The following ZIC5 variants were observed in gnomAD, a reference collection of about 807,000 sequenced individuals.
ZIC5 encodes zinc finger protein ZIC 5.
A neutral mutation model predicts 28.5 loss-of-function variants in ZIC5; 20 were observed. The ratio of observed to expected loss-of-function variants is 0.70; its 90% CI spans 0.49 to 1.02. The LOEUF (loss-of-function observed/expected upper bound fraction) is 1.02. ZIC5 is among the 50% of genes least tolerant of loss of function. ZIC5 has a pLI of 0.00. For missense variants in ZIC5, 951 were observed against 899.7 expected (o/e 1.06, Z -0.73); for synonymous variants, 488 against 410.4 (o/e 1.19, Z -2.29).
In ZIC5 at chr13:99,963,967, GACT is replaced by G. The variant is rs1389285139; in HGVS notation, c.*1407_*1409del. On this transcript the variant is annotated 3_prime_UTR_variant, in exon 2 of 2. Transcript: ENST00000267294. ...GTGTATCTGTAGGATGTTTCTGATG[GACT>G]ACATTTTGCACAGGAGATGTGTTGT... 3.3e-5 allele frequency: 5 copies of G among 152,618 alleles called. No individual in the cohort carries two copies. The highest frequency in any genetic ancestry group is 4.2e-4 in the South Asian group (2 of 4,816). 9.5% of individuals were successfully genotyped at this position (152,618 alleles called of 1,614,324 possible). A position where few individuals can be genotyped will look rare whatever the true frequency, so the allele number is the denominator to read the frequency against.
chr13:99,970,275 G>C lies in ZIC5; in HGVS notation c.1329C>G (p.Arg443=). The change falls in exon 1 of 2, where the codon CGC becomes CGG. Residue 443 remains arginine, a synonymous_variant. Coordinates refer to ENST00000267294, the MANE Select transcript of ZIC5 (RefSeq NM_033132.5). ...ATTTGGCCTTGAAGGGCTTGCCCTCGCGCGGACAGTCCTCCCAGAAGCAGA... is the reference window on the plus strand; with the variant it reads ...ATTTGGCCTTGAAGGGCTTGCCCTCCCGCGGACAGTCCTCCCAGAAGCAGA... ...SHVCFWEDCP[R]EGKPFKAKYK... 6.2e-7 allele frequency: 1 copy of C among 1,613,896 alleles called. No individual in the cohort carries two copies. Among genetic ancestry groups the C allele is most frequent in the Non-Finnish European group, 8.5e-7 (1 of 1,179,902 alleles).
At chr13:99,965,892 A>ACC in intron 1 of ZIC5, 73 bp from the exon 2 acceptor site, 1 of 1,482,974 alleles carries the variant, frequency 6.7e-7, no homozygotes, top group Non-Finnish European at 9.1e-7. Flanking sequence ...TTGAAGCAGA[A>ACC]CCAAGGTTGT....
At position 99,971,325 on chromosome 13, in the gene ZIC5, AGCCTCCGGGTGTGCCGGG is replaced by A. The variant is rs993089059; in HGVS notation, c.261_278del (p.His90_Ala95del). 6 of 1,375,776 alleles carry A rather than the reference AGCCTCCGGGTGTGCCGGG, an allele frequency of 4.4e-6. No individual in the cohort carries two copies. The highest frequency in any genetic ancestry group is 5.6e-6 in the Non-Finnish European group (6 of 1,075,590). 85.2% of individuals were successfully genotyped at this position (1,375,776 alleles called of 1,614,324 possible). A position where few individuals can be genotyped will look rare whatever the true frequency, so the allele number is the denominator to read the frequency against. On this transcript the variant is annotated inframe_deletion, in exon 1 of 2. Coordinates refer to ENST00000267294, the MANE Select transcript of ZIC5 (RefSeq NM_033132.5). ...CTGCAGCACGGGCGGCGGCTGCCGGAGCCTCCGGGTGTGCCGGGAACGCCTGGGAGGGAGGGCTGAGGC... is the reference window on the plus strand; with the variant it reads ...CTGCAGCACGGGCGGCGGCTGCCGGAAACGCCTGGGAGGGAGGGCTGAGGC...
At chr13:99,966,244 G>A (rs1249872790) in intron 1 of ZIC5, among the ~76,000 whole-genome samples, 1 of 152,110 alleles carries the variant, frequency 6.6e-6, no homozygotes, top group South Asian at 2.1e-4. Flanking sequence ...AGCCACAGGC[G>A]GAAGTAAGCG....
At position 99,965,303 on chromosome 13, in the gene ZIC5, G is replaced by T. The variant is rs572586426; in HGVS notation, c.*74C>A. On this transcript the variant is annotated 3_prime_UTR_variant, in exon 2 of 2. Coordinates refer to ENST00000267294, the MANE Select transcript of ZIC5 (RefSeq NM_033132.5). ...TGAGTCACGGGTTTGTCTCAGGCTCGGCATTGTCTCAGGTTAGGATGTGGT... is the reference window on the plus strand; with the variant it reads ...TGAGTCACGGGTTTGTCTCAGGCTCTGCATTGTCTCAGGTTAGGATGTGGT... 19 of 1,433,368 alleles carry T rather than the reference G, an allele frequency of 1.3e-5. No homozygotes were observed. Among genetic ancestry groups the T allele is most frequent in the Middle Eastern group, 2.5e-4 (1 of 3,940 alleles). The allele number at this position is 1,433,368 out of a possible 1,614,324, so 88.8% of individuals were successfully genotyped here.
chr13:99,965,771 G>A lies in ZIC5; in HGVS notation c.1526C>T (p.Ala509Val). The stretch of plus-strand genomic sequence containing the variant: ...ATGTTTCTTCCGATCACTGCTATTG[G>A]CAAACTTCCTGTCACAGCCATCAAA... ...CEFDGCDRKF[A>V]NSSDRKKHSH... is the part of the protein sequence containing the mutation. The change falls in exon 2 of 2, where the codon GCC becomes GTC. Residue 509 changes from alanine (A) to valine (V), a missense_variant. Physicochemically the swap from Ala to Val is moderately conservative, Grantham distance 64. Transcript: ENST00000267294. 1 of 1,613,988 alleles carries A rather than the reference G, an allele frequency of 6.2e-7. No homozygotes were observed. The highest frequency in any genetic ancestry group is 1.6e-4 in the Middle Eastern group (1 of 6,062).
In ZIC5 at chr13:99,970,710, G is replaced by A; in HGVS notation, c.894C>T (p.Ala298=). 8.4e-7 allele frequency: 1 copy of A among 1,183,886 alleles called. No homozygotes were observed. The allele number at this position is 1,183,886 out of a possible 1,614,324, so 73.3% of individuals were successfully genotyped here. A position where few individuals can be genotyped will look rare whatever the true frequency, so the allele number is the denominator to read the frequency against. The part of the protein sequence containing the change: ...HYGAVAAAAA[A]ALHGYGAVNL... ...TCACGGCTCCGTAGCCGTGCAGGGCGGCCGCCGCTGCGGCCGCAACCGCCC... is the reference window on the plus strand; with the variant it reads ...TCACGGCTCCGTAGCCGTGCAGGGCAGCCGCCGCTGCGGCCGCAACCGCCC... Residue 298 remains alanine, a synonymous_variant, in exon 1 of 2, where the codon GCC becomes GCT. Transcript: ENST00000267294.
chr13:99,971,156 C>CAGGAGGAGGAGGAGGCGG lies in ZIC5; in HGVS notation c.430_447dup (p.Pro144_Pro149dup). On this transcript the variant is annotated inframe_insertion, in exon 1 of 2. Coordinates refer to ENST00000267294, the MANE Select transcript of ZIC5 (RefSeq NM_033132.5). ...TTGGTGGTGGTGTAGCCCGAGAGGGCAGGAGGAGGAGGAGGCGGGGGAGGG... is the reference window on the plus strand; with the variant it reads ...TTGGTGGTGGTGTAGCCCGAGAGGGCAGGAGGAGGAGGAGGCGGAGGAGGAGGAGGAGGCGGGGGAGGG... The CAGGAGGAGGAGGAGGCGG allele has an allele frequency of 8.3e-7, 1 of 1,208,534 alleles. No individual in the cohort carries two copies. Among genetic ancestry groups the CAGGAGGAGGAGGAGGCGG allele is most frequent in the Non-Finnish European group, 1.0e-6 (1 of 970,932 alleles). The allele number at this position is 1,208,534 out of a possible 1,614,324, so 74.9% of individuals were successfully genotyped here.
At position 99,965,640 on chromosome 13, in the gene ZIC5, T is replaced by G. The variant is rs774478536; in HGVS notation, c.1657A>C (p.Lys553Gln). 6.2e-7 allele frequency: 1 copy of G among 1,614,066 alleles called. No homozygotes were observed. The highest frequency in any genetic ancestry group is 8.5e-7 in the Non-Finnish European group (1 of 1,180,042). The stretch of plus-strand genomic sequence containing the variant: ...GGTCCTGGAGAAGGTGGCGGGGACT[T>G]GCAGTGAATCTTCATGTGCTTCCTC... Reference protein sequence around the residue: ...SLRKHMKIHCKSPPPSPGPLG... With the variant: ...SLRKHMKIHCQSPPPSPGPLG... The change falls in exon 2 of 2, where the codon AAG becomes CAG. Residue 553 changes from lysine to glutamine, a missense_variant. Lys to Gln is a moderately conservative substitution (Grantham distance 53, BLOSUM62 1). Transcript: ENST00000267294.
At position 99,970,592 on chromosome 13, in the gene ZIC5, G is replaced by C; in HGVS notation, c.1012C>G (p.Pro338Ala). The change falls in exon 1 of 2, where the codon CCG becomes GCG. Residue 338 changes from proline to alanine, a missense_variant. Coordinates refer to ENST00000267294, the MANE Select transcript of ZIC5 (RefSeq NM_033132.5). The part of the protein sequence containing the change: ...QHHAPPPAPP[P>A]PPAPAQHPHQ... ...GGGTGCTGCGCGGGCGCCGGCGGCG[G>C]CGGCGGCGCCGGGGGCGGCGCGTGG... 2 of 996,170 alleles carry C rather than the reference G, an allele frequency of 2.0e-6. No individual in the cohort carries two copies. The highest frequency in any genetic ancestry group is 2.4e-6 in the Non-Finnish European group (2 of 840,190). 61.7% of individuals were successfully genotyped at this position (996,170 alleles called of 1,614,324 possible). A position where few individuals can be genotyped will look rare whatever the true frequency, so the allele number is the denominator to read the frequency against.
At position 99,971,697 on chromosome 13, in the gene ZIC5, A is replaced by T. The variant is rs1177209026; in HGVS notation, c.-94T>A. Reference sequence around the variant, plus strand: ...ACATGTATGTATTGGGCGCTCTTTAACTTCTTTTGTCCTGGCCTCTTAACT... The same window carrying T: ...ACATGTATGTATTGGGCGCTCTTTATCTTCTTTTGTCCTGGCCTCTTAACT... On this transcript the variant is annotated 5_prime_UTR_variant, in exon 1 of 2. Coordinates refer to ENST00000267294, the MANE Select transcript of ZIC5 (RefSeq NM_033132.5). 28 of 1,551,256 alleles carry T rather than the reference A, an allele frequency of 1.8e-5. No individual in the cohort carries two copies. Among genetic ancestry groups the T allele is most frequent in the Non-Finnish European group, 2.4e-5 (27 of 1,147,150 alleles).
Position 99,965,538 on chromosome 13 carries a change from T to C in ZIC5, c.1759A>G (p.Ser587Gly), listed in dbSNP as rs200026179. 4 of 1,613,578 alleles carry C rather than the reference T, an allele frequency of 2.5e-6. No individual in the cohort carries two copies. Among genetic ancestry groups the C allele is most frequent in the Non-Finnish European group, 3.4e-6 (4 of 1,179,692 alleles). Residue 587 changes from serine (S) to glycine (G), a missense_variant, in exon 2 of 2, where the codon AGC (serine) becomes GGC (glycine). Ser to Gly is a moderately conservative substitution (Grantham distance 56). Transcript: ENST00000267294. ...TTGGTCACCTGAGGGGACAGAGTGC[T>C]GGAGTGACTCCTGGCTGGGTCCAGC... ...PVLDPARSHSSTLSPQVTNLN... is the reference protein window; with the variant it reads ...PVLDPARSHSGTLSPQVTNLN...
chr13:99,967,801 G>A (rs2053111349), intron 1 of ZIC5, among the ~76,000 whole-genome samples: 2 of 152,232 alleles, frequency 1.3e-5, no homozygotes, highest in Non-Finnish European at 2.9e-5. Flanking sequence ...AAGAAAACAA[G>A]GCAAGGGCGA....
At chr13:99,968,341 C>T (rs1012817133) in intron 1 of ZIC5, among the ~76,000 whole-genome samples, 3 of 152,156 alleles carry the variant, frequency 2.0e-5, no homozygotes, top group African/African-American at 7.2e-5. Flanking sequence ...CCCACGCGGC[C>T]GCCGGGAGGG....
At chr13:99,970,054 A>T in intron 1 of ZIC5, 73 bp downstream of exon 1, 1 of 1,592,552 alleles carries the variant, frequency 6.3e-7, no homozygotes, top group East Asian at 2.3e-5. Flanking sequence ...GAGGAGGAGA[A>T]GCAGCGGCGG....
At position 99,970,985 on chromosome 13, in the gene ZIC5, G is replaced by A. The variant is rs1036005500; in HGVS notation, c.619C>T (p.Pro207Ser). Residue 207 changes from proline (P) to serine (S), a missense_variant, in exon 1 of 2, where the codon CCG becomes TCG. Transcript: ENST00000267294. Reference sequence around the variant, plus strand: ...CCGGCCGAGTGGGGAGGCGGGGCCGGGTGCTGGGGGGAGCCGGTGCCGGAC... The same window carrying A: ...CCGGCCGAGTGGGGAGGCGGGGCCGAGTGCTGGGGGGAGCCGGTGCCGGAC... ...QRSGTGSPQH[P>S]APPPHSAGMF... is the part of the protein sequence containing the mutation. 6.4e-6 allele frequency: 9 copies of A among 1,399,146 alleles called. No homozygotes were observed. In the African/African-American group the frequency reaches 1.4e-4, roughly 21 times the overall value. 86.7% of individuals were successfully genotyped at this position (1,399,146 alleles called of 1,614,324 possible).
Position 99,971,292 on chromosome 13 carries a change from G to A in ZIC5, c.312C>T (p.Val104=), listed in dbSNP as rs1254799939. 4 of 1,354,278 alleles carry A rather than the reference G, an allele frequency of 3.0e-6. No individual in the cohort carries two copies. Among genetic ancestry groups the A allele is most frequent in the African/African-American group, 1.5e-5 (1 of 64,868 alleles). The allele number at this position is 1,354,278 out of a possible 1,614,324, so 83.9% of individuals were successfully genotyped here. Residue 104 remains valine (V), a synonymous_variant, in exon 1 of 2, where the codon GTC becomes GTT. Coordinates refer to ENST00000267294, the MANE Select transcript of ZIC5 (RefSeq NM_033132.5). ...GGTAGCTGCCCGCGCCGGGGTGCGC[G>A]ACCAAGGCTGCAGCACGGGCGGCGG... ...PAAAARAAAL[V]AHPGAGSYPC...
chr13:99,971,131 TTGG>T lies in ZIC5; in HGVS notation c.470_472del (p.Thr157del). On this transcript the variant is annotated inframe_deletion, in exon 1 of 2. Coordinates refer to ENST00000267294, the MANE Select transcript of ZIC5 (RefSeq NM_033132.5). ...GCCGCTGCTGCCGCCGCCGCCACTG[TTGG>T]TGGTGGTGTAGCCCGAGAGGGCAGG... is the stretch of plus-strand genomic sequence containing the variant. 2 of 1,310,568 alleles carry T rather than the reference TTGG, an allele frequency of 1.5e-6. No individual in the cohort carries two copies. Among genetic ancestry groups the T allele is most frequent in the Non-Finnish European group, 1.9e-6 (2 of 1,026,162 alleles). 81.2% of individuals were successfully genotyped at this position (1,310,568 alleles called of 1,614,324 possible). A position where few individuals can be genotyped will look rare whatever the true frequency, so the allele number is the denominator to read the frequency against.
In ZIC5 at chr13:99,971,108, C is replaced by T. The variant is rs1269827819; in HGVS notation, c.496G>A (p.Gly166Ser). Residue 166 changes from glycine (G) to serine (S), a missense_variant, in exon 1 of 2, where the codon GGC becomes AGC. Transcript: ENST00000267294. ...TTNSGGGGSS[G>S]KGHSRDFVLR... is the part of the protein sequence containing the mutation. Reference sequence around the variant, plus strand: ...ACGAAGTCCCTGCTGTGGCCTTTGCCGCTGCTGCCGCCGCCGCCACTGTTG... The same window carrying T: ...ACGAAGTCCCTGCTGTGGCCTTTGCTGCTGCTGCCGCCGCCGCCACTGTTG... The T allele has an allele frequency of 2.8e-6, 4 of 1,424,404 alleles. No individual in the cohort carries two copies. The highest frequency in any genetic ancestry group is 6.2e-5 in the East Asian group (2 of 32,322). 88.2% of individuals were successfully genotyped at this position (1,424,404 alleles called of 1,614,324 possible).
Sources: allele counts gnomAD v4.1 joint callset (sites outside exome capture counted in the v4.1 genomes callset), GRCh38; gene constraint gnomAD v4.1.1; transcripts MANE v1.5; gene names NCBI Gene and HGNC (gene_info 2026-07-23, HGNC 2026-07-21).